The following KCNJ4 variants were observed in gnomAD, a reference collection of about 807,000 sequenced individuals.
The protein encoded by KCNJ4 is inward rectifier potassium channel 4.
KCNJ4 carries 3 observed loss-of-function variants against 25.6 expected under a neutral mutation model. The ratio of observed to expected loss-of-function variants is 0.12; its 90% CI spans 0.05 to 0.30. The LOEUF (loss-of-function observed/expected upper bound fraction) is 0.30. Among genes scored for constraint, KCNJ4 ranks in the 10% least tolerant of loss-of-function variants. KCNJ4 has a pLI of 1.00. For missense variants in KCNJ4, 286 were observed against 666.8 expected (o/e 0.43, Z 6.29); for synonymous variants, 257 against 283.9 (o/e 0.91, Z 0.95).
At chr22:38,451,113 C>T (rs191327923) in intron 1 of KCNJ4, among the ~76,000 whole-genome samples, 3 of 152,244 alleles carry the variant, frequency 2.0e-5, no homozygotes, top group Non-Finnish European at 2.9e-5. Context: ...AGCCCAGTGC[C>T]TGGCGAGCAA....
chr22:38,438,549 C>A (rs933806311), intron 1 of KCNJ4, among the ~76,000 whole-genome samples: 12 of 141,470 alleles, frequency 8.5e-5, no homozygotes, highest in Non-Finnish European at 4.6e-5. Flanking sequence ...GTTAGCCGGG[C>A]GTGGTGGCAG....
intron 1 of KCNJ4, 107 bp from the exon 2 acceptor site, chr22:38,428,278 G>T: frequency 9.5e-7 from 1 of 1,053,432 alleles, no homozygotes; most frequent in Non-Finnish European, 1.4e-6. Context: ...CCTGGACCAG[G>T]ACCTAAGACT....
chr22:38,428,495 C>A (rs2093039803), intron 1 of KCNJ4, among the ~76,000 whole-genome samples: 1 of 152,126 alleles, frequency 6.6e-6, no homozygotes, highest in African/African-American at 2.4e-5. Context: ...TCCTGATGCC[C>A]ATCTTGGTTC....
chr22:38,442,544 C>CAAAAAAAA (rs10631730), intron 1 of KCNJ4, among the ~76,000 whole-genome samples: 2 of 93,928 alleles, frequency 2.1e-5, no homozygotes, highest in African/African-American at 4.5e-5. Flanking sequence ...AAGACTCCAT[C>CAAAAAAAA]AAAAAAAAAA....
chr22:38,434,072 C>T (rs1012719463), intron 1 of KCNJ4, among the ~76,000 whole-genome samples: 2 of 152,162 alleles, frequency 1.3e-5, no homozygotes, highest in Non-Finnish European at 2.9e-5. Context: ...TGCAGGGGCA[C>T]CTCCGCCAGG....
At chr22:38,445,872 G>T (rs940633080) in intron 1 of KCNJ4, among the ~76,000 whole-genome samples, 1 of 152,176 alleles carries the variant, frequency 6.6e-6, no homozygotes, top group African/African-American at 2.4e-5. Context: ...TCTTGAAGCT[G>T]TGACGGGCGG....
chr22:38,446,783 C>A (rs2089377061), intron 1 of KCNJ4, among the ~76,000 whole-genome samples: 1 of 151,958 alleles, frequency 6.6e-6, no homozygotes, highest in Non-Finnish European at 1.5e-5. Context: ...TAGTGAAACC[C>A]CATCTCTACT....
intron 1 of KCNJ4, among the ~76,000 whole-genome samples, chr22:38,433,659 GTCTTTAGTCCAGACTTCAT>G (rs1487855409): frequency 6.6e-6 from 1 of 152,116 alleles, no homozygotes; most frequent in Non-Finnish European, 1.5e-5. Flanking sequence ...AAATCTGCAA[GTCTTTAGTCCAGACTTCAT>G]TAGCCAGCTG....
intron 1 of KCNJ4, among the ~76,000 whole-genome samples, chr22:38,440,586 T>C (rs1477219449): frequency 1.3e-5 from 2 of 152,186 alleles, no homozygotes; most frequent in African/African-American, 2.4e-5. Flanking sequence ...ATTCCCAGTA[T>C]AATCCCAGTG....
chr22:38,454,470 T>C (rs1202178113), intron 1 of KCNJ4, among the ~76,000 whole-genome samples: 2 of 152,180 alleles, frequency 1.3e-5, no homozygotes, highest in Non-Finnish European at 2.9e-5. Context: ...GAACGTGCAG[T>C]GCCTCCTCTA....
At chr22:38,434,703 C>T (rs777356188) in intron 1 of KCNJ4, among the ~76,000 whole-genome samples, 3 of 152,150 alleles carry the variant, frequency 2.0e-5, no homozygotes, top group Non-Finnish European at 2.9e-5. Flanking sequence ...GGCTCTCTGA[C>T]CCTGCTACTC....
At chr22:38,454,603 G>A (rs1337668625) in intron 1 of KCNJ4, among the ~76,000 whole-genome samples, 1 of 152,140 alleles carries the variant, frequency 6.6e-6, no homozygotes, top group Non-Finnish European at 1.5e-5. Flanking sequence ...TGGGGAGGCG[G>A]AAAGGCGGCA....
intron 1 of KCNJ4, among the ~76,000 whole-genome samples, chr22:38,434,789 A>C (rs185512505): frequency 1.3e-5 from 2 of 152,198 alleles, no homozygotes; most frequent in African/African-American, 2.4e-5. Context: ...GGTTAAACCC[A>C]TATGTTTTGG....
intron 1 of KCNJ4, among the ~76,000 whole-genome samples, chr22:38,434,346 A>G (rs1332777885): frequency 6.6e-6 from 1 of 152,142 alleles, no homozygotes; most frequent in African/African-American, 2.4e-5. Flanking sequence ...CCTCTCAGGG[A>G]ATTTCTGCCA....
intron 1 of KCNJ4, among the ~76,000 whole-genome samples, chr22:38,454,210 G>T (rs990155173): frequency 2.0e-5 from 3 of 152,128 alleles, no homozygotes; most frequent in Non-Finnish European, 2.9e-5. Context: ...CCTCTAGCCC[G>T]CCGCTCCACC....
chr22:38,447,742 G>A (rs2089384281), intron 1 of KCNJ4, among the ~76,000 whole-genome samples: 1 of 152,124 alleles, frequency 6.6e-6, no homozygotes, highest in African/African-American at 2.4e-5. Context: ...GCTCCCCACA[G>A]CACATGCACC....
intron 1 of KCNJ4, among the ~76,000 whole-genome samples, chr22:38,450,216 T>C (rs1200211523): frequency 6.6e-6 from 1 of 152,076 alleles, no homozygotes; most frequent in Non-Finnish European, 1.5e-5. Context: ...AGAGGAGGCT[T>C]AAAGGTTATG....
Position 38,428,211 on chromosome 22 carries a change from G to A in KCNJ4, c.-39-40C>T, listed in dbSNP as rs1050053540. The A allele has an allele frequency of 9.3e-6, 14 of 1,505,414 alleles. No individual in the cohort carries two copies. In the African/African-American group the frequency reaches 9.7e-5, roughly 10 times the overall value. The allele number at this position is 1,505,414 out of a possible 1,614,324, so 93.3% of individuals were successfully genotyped here. A position where few individuals can be genotyped will look rare whatever the true frequency, so the allele number is the denominator to read the frequency against. ...CCGGACAGGTGAGATGCTGGGGAGCGAGGGGCTCCCTCGGGGCCACTCAGA... is the reference window on the plus strand; with the variant it reads ...CCGGACAGGTGAGATGCTGGGGAGCAAGGGGCTCCCTCGGGGCCACTCAGA... On this transcript the variant is annotated intron_variant, in intron 1 of 1. Transcript: ENST00000303592.
At chr22:38,434,413 G>A (rs966249006) in intron 1 of KCNJ4, among the ~76,000 whole-genome samples, 1 of 152,166 alleles carries the variant, frequency 6.6e-6, no homozygotes, top group Non-Finnish European at 1.5e-5. Context: ...TATCCTTTGT[G>A]TATTTAACAA....
Sources: allele counts gnomAD v4.1 joint callset (sites outside exome capture counted in the v4.1 genomes callset), GRCh38; gene constraint gnomAD v4.1.1; transcripts MANE v1.5; gene names NCBI Gene and HGNC (gene_info 2026-07-23, HGNC 2026-07-21).